Variants in CCBE1 observed in about 807,000 individuals in gnomAD.
CCBE1 encodes collagen and calcium-binding EGF domain-containing protein 1.
Under a neutral mutation model 50.0 loss-of-function variants are expected in CCBE1, and 37 were observed. The ratio of observed to expected loss-of-function variants is 0.74; its 90% CI spans 0.57 to 0.97. The LOEUF is 0.97. CCBE1 is among the 50% of genes least tolerant of loss of function. The pLI is 0.00. For synonymous variants in CCBE1, 234 were observed against 203.7 expected, an observed-to-expected ratio of 1.15 and a Z score of -1.27; for missense variants, 538 against 523.8, an observed-to-expected ratio of 1.03 and a Z score of -0.26.
intron 2 of CCBE1, among the ~76,000 whole-genome samples, chr18:59,509,764 A>G (rs1259881023): frequency 6.6e-6 from 1 of 152,226 alleles, no homozygotes; most frequent in Non-Finnish European, 1.5e-5. Flanking sequence ...CTTGAAATCC[A>G]GAGGGCTTCT....
Position 59,433,536 on chromosome 18 carries a change from G to A in CCBE1, c.*2372C>T, listed in dbSNP as rs9959080. The stretch of plus-strand genomic sequence containing the variant: ...GGAAGGAAGACTGTTGCCACTAGAG[G>A]TTTGCAAAGCCCCTTCCTAACATTC... On this transcript the variant is annotated 3_prime_UTR_variant, in exon 11 of 11. Transcript: ENST00000439986. The A allele has an allele frequency of 0.83, 125,506 of 151,786 alleles. 51,983 individuals are homozygous for A. Among genetic ancestry groups the A allele is most frequent in the South Asian group, 0.91 (4,364 of 4,802 alleles). The allele number at this position is 151,786 out of a possible 1,614,324, so 9.4% of individuals were successfully genotyped here.
intron 5 of CCBE1, among the ~76,000 whole-genome samples, chr18:59,458,715 A>T (rs976493406): frequency 6.6e-6 from 1 of 152,172 alleles, no homozygotes; most frequent in African/African-American, 2.4e-5. Flanking sequence ...TGAGCCTGCT[A>T]TTGGGAATTC....
At chr18:59,582,563 A>C (rs1372937963) in intron 2 of CCBE1, among the ~76,000 whole-genome samples, 2 of 152,178 alleles carry the variant, frequency 1.3e-5, no homozygotes, top group East Asian at 3.9e-4. Context: ...CAGGCTCTTC[A>C]ACTCCTCATC....
At chr18:59,583,731 G>A (rs891906776) in intron 2 of CCBE1, among the ~76,000 whole-genome samples, 4 of 151,662 alleles carry the variant, frequency 2.6e-5, no homozygotes, top group African/African-American at 7.3e-5. Flanking sequence ...CTACTGAGTT[G>A]AAGAAGAGAT....
chr18:59,691,236 T>C (rs1367378137), intron 2 of CCBE1, among the ~76,000 whole-genome samples: 4 of 152,252 alleles, frequency 2.6e-5, no homozygotes, highest in Admixed American at 6.5e-5. Context: ...GATATAGTCA[T>C]GAATGAGGAC....
At chr18:59,533,691 C>T (rs946409795) in intron 2 of CCBE1, among the ~76,000 whole-genome samples, 3 of 152,148 alleles carry the variant, frequency 2.0e-5, no homozygotes, top group Admixed American at 1.3e-4. Context: ...TAAAAACAGA[C>T]CTTCATGAGC....
chr18:59,645,239 C>A (rs911833873), intron 2 of CCBE1, among the ~76,000 whole-genome samples: 15 of 143,934 alleles, frequency 1.0e-4, no homozygotes, highest in African/African-American at 3.3e-4. Flanking sequence ...ACAACAACAA[C>A]AAAAAAGCTA....
intron 5 of CCBE1, among the ~76,000 whole-genome samples, chr18:59,465,129 A>G (rs1046392468): frequency 4.6e-5 from 7 of 152,210 alleles, no homozygotes; most frequent in Admixed American, 3.3e-4. Context: ...GCCATTGTCA[A>G]TGGAGTCCAT....
At chr18:59,460,672 CTGTAA>C (rs2143695342) in intron 5 of CCBE1, among the ~76,000 whole-genome samples, 2 of 152,288 alleles carry the variant, frequency 1.3e-5, no homozygotes, top group South Asian at 4.1e-4. Flanking sequence ...TGGCTCACGC[CTGTAA>C]TCCCAGCACA....
chr18:59,562,224 C>G (rs552332471), intron 2 of CCBE1, among the ~76,000 whole-genome samples: 1 of 152,242 alleles, frequency 6.6e-6, no homozygotes, highest in Admixed American at 6.5e-5. Flanking sequence ...TACATACATG[C>G]AAACACACAA....
At chr18:59,590,371 C>T (rs78414896) in intron 2 of CCBE1, among the ~76,000 whole-genome samples, 4,171 of 152,160 alleles carry the variant, frequency 0.027, 203 homozygotes, top group African/African-American at 0.095. Context: ...CACTCTTGAA[C>T]GGCAAAAAGG....
chr18:59,490,919 G>A (rs940908853), intron 2 of CCBE1, among the ~76,000 whole-genome samples: 3 of 152,138 alleles, frequency 2.0e-5, no homozygotes, highest in Non-Finnish European at 4.4e-5. Context: ...TTTCCATGGT[G>A]GCTAATTTTT....
chr18:59,589,611 T>A (rs943039413), intron 2 of CCBE1, among the ~76,000 whole-genome samples: 2 of 151,756 alleles, frequency 1.3e-5, no homozygotes, highest in Non-Finnish European at 2.9e-5. Context: ...CTGGCTCACA[T>A]GGTGAAACCC....
Position 59,562,116 on chromosome 18 carries a change from T to C in CCBE1, c.213-81878A>G, listed in dbSNP as rs566657027. Among the ~76,000 whole-genome samples, 10 of 152,330 alleles carry C rather than the reference T, an allele frequency of 6.6e-5. No homozygotes were observed. The East Asian group carries it at 1.9e-3, about 29-fold the overall frequency. On this transcript the variant is annotated intron_variant, in intron 2 of 10. Transcript: ENST00000439986. The stretch of plus-strand genomic sequence containing the variant: ...GTTATTTATTGACTGCTTTAAATAA[T>C]ACTTACACATAAAGATAAGTTAAAA...
intron 2 of CCBE1, among the ~76,000 whole-genome samples, chr18:59,592,895 G>A (rs1384877226): frequency 6.6e-6 from 1 of 152,128 alleles, no homozygotes; most frequent in South Asian, 2.1e-4. Context: ...CAGACAAATT[G>A]TAAGGGGGGT....
rs71177045 is a variant in CCBE1, at chr18:59,601,010, G to GTTTTTTTTTTT, written c.212+95608_212+95618dup. Among the ~76,000 whole-genome samples the GTTTTTTTTTTT allele has an allele frequency of 1.5e-3, 87 of 58,014 alleles. 30 individuals carry two copies. The highest frequency in any genetic ancestry group is 2.2e-3 in the Non-Finnish European group (62 of 28,344). 38.1% of individuals were successfully genotyped at this position (58,014 alleles called of 152,430 possible). On this transcript the variant is annotated intron_variant, in intron 2 of 10. Transcript: ENST00000439986. ...GATCTATTTTATTAGCTATGTGTCA[G>GTTTTTTTTTTT]TTTTTTTTTTTTTTTTTTTTTTTTT...
chr18:59,611,174 A>G (rs2053564162), intron 2 of CCBE1, among the ~76,000 whole-genome samples: 1 of 152,252 alleles, frequency 6.6e-6, no homozygotes, highest in South Asian at 2.1e-4. Flanking sequence ...CGCAGTCTTA[A>G]TATCACACTG....
At chr18:59,509,870 G>C (rs1030996261) in intron 2 of CCBE1, among the ~76,000 whole-genome samples, 2 of 152,162 alleles carry the variant, frequency 1.3e-5, no homozygotes, top group African/African-American at 4.8e-5. Flanking sequence ...AACTATTTAA[G>C]CGACCCAACA....
At chr18:59,678,095 A>G (rs9653091) in intron 2 of CCBE1, among the ~76,000 whole-genome samples, 3,699 of 152,286 alleles carry the variant, frequency 0.024, 131 homozygotes, top group African/African-American at 0.083. Flanking sequence ...CGGGTGCGGT[A>G]GTCGTAAGCA....
Sources: allele counts gnomAD v4.1 joint callset (sites outside exome capture counted in the v4.1 genomes callset), GRCh38; gene constraint gnomAD v4.1.1; transcripts MANE v1.5; gene names NCBI Gene and HGNC (gene_info 2026-07-23, HGNC 2026-07-21).